The following PPP2R2B variants were observed in gnomAD, a reference collection of about 807,000 sequenced individuals.
PPP2R2B encodes the protein protein phosphatase 2 regulatory subunit Bbeta.
PPP2R2B carries 5 observed loss-of-function variants against 46.0 expected under a neutral mutation model. The observed-to-expected ratio is 0.11, with a 90% CI of 0.06 to 0.23. The LOEUF (loss-of-function observed/expected upper bound fraction) is 0.23. PPP2R2B is among the 10% of genes least tolerant of loss of function. The pLI, the probability that PPP2R2B is intolerant of heterozygous loss-of-function variation, is 1.00. For missense variants in PPP2R2B, 367 were observed against 575.0 expected (o/e 0.64, Z 3.70); for synonymous variants, 215 against 206.7 (o/e 1.04, Z -0.34).
chr5:147,042,565 T>A (rs946226766), intron 1 of PPP2R2B, among the ~76,000 whole-genome samples: 3 of 152,194 alleles, frequency 2.0e-5, no homozygotes, highest in Non-Finnish European at 2.9e-5. Flanking sequence ...TTTAGCCTTT[T>A]GCTGCTACTA....
intron 1 of PPP2R2B, among the ~76,000 whole-genome samples, chr5:146,905,889 G>A (rs1224482593): frequency 6.6e-6 from 1 of 152,018 alleles, no homozygotes; most frequent in African/African-American, 2.4e-5. Flanking sequence ...TGGGGATGAT[G>A]GAAATGTTCT....
intron 1 of PPP2R2B, among the ~76,000 whole-genome samples, chr5:146,937,995 C>T (rs907795032): frequency 2.0e-5 from 3 of 152,106 alleles, no homozygotes. Context: ...ATTGAATTTA[C>T]ATACTTTGAG....
intron 2 of PPP2R2B, among the ~76,000 whole-genome samples, chr5:146,730,712 C>T (rs1404137368): frequency 6.6e-6 from 1 of 152,150 alleles, no homozygotes; most frequent in African/African-American, 2.4e-5. Context: ...GTAAGAAGTG[C>T]CTTTCACCTC....
chr5:146,800,629 T>TTTTTG (rs1756802890), intron 2 of PPP2R2B, among the ~76,000 whole-genome samples: 2 of 36,724 alleles, frequency 5.4e-5, no homozygotes, highest in Admixed American at 3.0e-4. Context: ...TAATTTTTTT[T>TTTTTG]GGGGGGTGGG....
At chr5:146,897,471 CAA>C (rs1762683231) in intron 1 of PPP2R2B, among the ~76,000 whole-genome samples, 1 of 152,130 alleles carries the variant, frequency 6.6e-6, no homozygotes, top group Non-Finnish European at 1.5e-5. Flanking sequence ...TTAGGGACTA[CAA>C]AATACAAGAT....
chr5:146,761,868 T>TA (rs377054519), intron 2 of PPP2R2B, among the ~76,000 whole-genome samples: 2 of 151,824 alleles, frequency 1.3e-5, no homozygotes, highest in Non-Finnish European at 2.9e-5. Context: ...TGATGAGGGA[T>TA]AAAAAAAGAT....
chr5:146,664,430 C>A (rs1008754750), intron 5 of PPP2R2B, among the ~76,000 whole-genome samples: 1 of 152,134 alleles, frequency 6.6e-6, no homozygotes, highest in Admixed American at 6.6e-5. Flanking sequence ...CTTTGCTTAT[C>A]CATAAGAAGC....
rs1774961575 is a variant in PPP2R2B at position 146,638,346 on chromosome 5, G to A, written c.695C>T (p.Pro232Leu). Reference sequence around the variant, plus strand: ...GTACACGAAGGTGTTGCAATGATGGGGGTGGAACTCGGCTGCTGTGATCAC... The same window carrying A: ...GTACACGAAGGTGTTGCAATGATGGAGGTGGAACTCGGCTGCTGTGATCAC... ...TEVITAAEFH[P>L]HHCNTFVYSS... is the part of the protein sequence containing the mutation. Residue 232 changes from proline to leucine, a missense_variant, in exon 7 of 10, where the codon CCC (proline) becomes CTC (leucine). Transcript: ENST00000394411. The A allele has an allele frequency of 6.2e-7, 1 of 1,613,484 alleles. No homozygotes were observed. The highest frequency in any genetic ancestry group is 1.7e-5 in the Admixed American group (1 of 59,992).
intron 7 of PPP2R2B, among the ~76,000 whole-genome samples, chr5:146,625,529 T>A (rs1039202808): frequency 6.6e-5 from 10 of 152,196 alleles, no homozygotes; most frequent in African/African-American, 2.4e-4. Context: ...CTAGCCATAA[T>A]AATGGTCCCA....
intron 3 of PPP2R2B, among the ~76,000 whole-genome samples, chr5:146,699,667 T>TG (rs1472126442): frequency 6.6e-6 from 1 of 150,668 alleles, no homozygotes; most frequent in Non-Finnish European, 1.5e-5. Context: ...ATTGGTTTTT[T>TG]TTTTTTTTTT....
At chr5:146,747,521 C>T (rs575698522) in intron 2 of PPP2R2B, among the ~76,000 whole-genome samples, 13 of 152,292 alleles carry the variant, frequency 8.5e-5, no homozygotes, top group Non-Finnish European at 1.3e-4. Context: ...AGGGAACTTA[C>T]CACTTCAACA....
At chr5:147,032,275 G>T (rs1172158961) in intron 1 of PPP2R2B, among the ~76,000 whole-genome samples, 1 of 152,060 alleles carries the variant, frequency 6.6e-6, no homozygotes, top group African/African-American at 2.4e-5. Flanking sequence ...ATACACAAAT[G>T]GCCAACAAAT....
intron 4 of PPP2R2B, among the ~76,000 whole-genome samples, chr5:146,696,326 G>A (rs1264077222): frequency 7.2e-5 from 11 of 152,078 alleles, no homozygotes; most frequent in African/African-American, 1.9e-4. Context: ...GGATGGTCTC[G>A]ATCTCCTGAC....
At chr5:146,814,255 G>A (rs1390657247) in intron 2 of PPP2R2B, among the ~76,000 whole-genome samples, 1 of 149,250 alleles carries the variant, frequency 6.7e-6, no homozygotes, top group Non-Finnish European at 1.5e-5. Flanking sequence ...GGGAGACAAT[G>A]TTAGTTTTCT....
intron 1 of PPP2R2B, among the ~76,000 whole-genome samples, chr5:146,989,961 C>G (rs932757771): frequency 2.6e-5 from 4 of 151,078 alleles, no homozygotes; most frequent in African/African-American, 4.8e-5. Flanking sequence ...AATGAACTAT[C>G]TGAAAAAGAA....
chr5:147,006,707 T>C (rs1442473811), intron 1 of PPP2R2B, among the ~76,000 whole-genome samples: 4 of 152,092 alleles, frequency 2.6e-5, no homozygotes, highest in Non-Finnish European at 4.4e-5. Flanking sequence ...GCAGTGATTC[T>C]CCAAAACCAC....
chr5:146,601,011 G>C (rs575593101), intron 7 of PPP2R2B, among the ~76,000 whole-genome samples: 1 of 152,146 alleles, frequency 6.6e-6, no homozygotes, highest in South Asian at 2.1e-4. Flanking sequence ...TCTCATTCTG[G>C]AAATTTCACA....
intron 2 of PPP2R2B, among the ~76,000 whole-genome samples, chr5:146,814,718 C>T (rs190480359): frequency 3.3e-5 from 5 of 152,342 alleles, no homozygotes; most frequent in Admixed American, 2.6e-4. Flanking sequence ...TGTGGTCCCC[C>T]CCAAGTGCTG....
chr5:146,994,951 T>A (rs1318412290), intron 1 of PPP2R2B, among the ~76,000 whole-genome samples: 5 of 152,286 alleles, frequency 3.3e-5, no homozygotes, highest in Admixed American at 6.5e-5. Flanking sequence ...AGTATAGAAT[T>A]CTTGGGAACC....
Sources: gnomAD v4.1 joint callset for allele counts (sites outside exome capture counted in the v4.1 genomes callset) on GRCh38, gnomAD v4.1.1 for gene constraint, MANE v1.5 for transcripts, NCBI Gene and HGNC (gene_info 2026-07-23, HGNC 2026-07-21) for gene names.